RABGAP1L: variants seen among roughly 807,000 people sequenced by gnomAD.
RABGAP1L encodes rab GTPase-activating protein 1-like.
In RABGAP1L, 63 loss-of-function variants were observed where a neutral mutation model predicts 137.7. That is an observed-to-expected ratio of 0.46 (90% CI 0.37 to 0.56). RABGAP1L has a LOEUF of 0.56. Among genes scored for constraint, RABGAP1L ranks in the 20% least tolerant of loss-of-function variants. The pLI is 0.00. For synonymous variants in RABGAP1L, 431 were observed against 433.7 expected (o/e 0.99, Z 0.08); for missense variants, 1,095 against 1,244.0 (o/e 0.88, Z 1.80).
intron 11 of RABGAP1L, among the ~76,000 whole-genome samples, chr1:174,327,986 CATATATATATATATATATAT>C (rs3057021): frequency 6.0e-4 from 32 of 53,632 alleles, no homozygotes; most frequent in Non-Finnish European, 7.4e-4. Context: ...TATACACACA[CATATATATATATATATATAT>C]ATATATATAT....
At chr1:174,640,370 C>T (rs1345218190) in intron 14 of RABGAP1L, among the ~76,000 whole-genome samples, 1 of 152,062 alleles carries the variant, frequency 6.6e-6, no homozygotes. Flanking sequence ...GCTTCCACAT[C>T]CACTTTTCTT....
At chr1:174,685,499 T>C (rs573343414) in intron 15 of RABGAP1L, among the ~76,000 whole-genome samples, 2 of 152,192 alleles carry the variant, frequency 1.3e-5, no homozygotes, top group East Asian at 3.9e-4. Flanking sequence ...GTGATCCACC[T>C]GCCTCAGCCT....
chr1:174,210,566 AC>A (rs1668812033), intron 1 of RABGAP1L, among the ~76,000 whole-genome samples: 1 of 152,164 alleles, frequency 6.6e-6, no homozygotes. Flanking sequence ...ACAAAACAGA[AC>A]AAAAACAATG....
intron 19 of RABGAP1L, among the ~76,000 whole-genome samples, chr1:174,938,030 G>T (rs1665201180): frequency 1.3e-5 from 2 of 151,984 alleles, no homozygotes; most frequent in South Asian, 4.2e-4. Flanking sequence ...TTATTAATGA[G>T]TATATTTCCC....
chr1:174,780,735 A>G (rs1233131725), intron 18 of RABGAP1L, among the ~76,000 whole-genome samples: 2 of 59,032 alleles, frequency 3.4e-5, no homozygotes, highest in Non-Finnish European at 6.2e-5. Context: ...CCCACCCCAC[A>G]ACAGTCCCCG....
chr1:174,921,378 A>G (rs1054845489), intron 19 of RABGAP1L, among the ~76,000 whole-genome samples: 11 of 152,192 alleles, frequency 7.2e-5, no homozygotes, highest in African/African-American at 2.7e-4. Context: ...CTCTCTTACA[A>G]AGATATTGTG....
rs774567932 is a variant in RABGAP1L, at chr1:174,448,873, G to T, written c.1710+54728G>T. On this transcript the variant is annotated intron_variant, in intron 13 of 25. Transcript: ENST00000681986. This position sits in a 1 kb window ranked among gnomAD's most constrained non-coding sequence, Gnocchi z 4.2. Reference sequence around the variant, plus strand: ...GTCATGAGGTAGATTCTTCCAGAGAGACTGGACACAGCCCTGACCGTCGCT... The same window carrying T: ...GTCATGAGGTAGATTCTTCCAGAGATACTGGACACAGCCCTGACCGTCGCT... 12 of 1,613,804 alleles carry T rather than the reference G, an allele frequency of 7.4e-6. No individual in the cohort carries two copies. In the Admixed American group the frequency reaches 2.0e-4, roughly 27 times the overall value.
intron 13 of RABGAP1L, among the ~76,000 whole-genome samples, chr1:174,548,794 A>T (rs1175593912): frequency 6.6e-6 from 1 of 152,168 alleles, no homozygotes; most frequent in Admixed American, 6.5e-5. Context: ...TTAGCTGCAT[A>T]GGTTTAAGTA....
chr1:174,418,298 C>T (rs915270587), intron 13 of RABGAP1L, among the ~76,000 whole-genome samples: 2 of 152,160 alleles, frequency 1.3e-5, no homozygotes, highest in African/African-American at 4.8e-5. Context: ...GATATTATTT[C>T]CACAGATATT....
intron 13 of RABGAP1L, among the ~76,000 whole-genome samples, chr1:174,614,349 T>G (rs984921711): frequency 6.6e-6 from 1 of 152,228 alleles, no homozygotes; most frequent in Non-Finnish European, 1.5e-5. Context: ...AATTCTGGGT[T>G]GAAAATTCTT....
chr1:174,667,782 A>G (rs916381493), intron 14 of RABGAP1L, among the ~76,000 whole-genome samples: 4 of 152,140 alleles, frequency 2.6e-5, no homozygotes, highest in South Asian at 2.1e-4. Flanking sequence ...GCTTCCATGT[A>G]TCTTCTATAT....
chr1:174,739,263 T>A (rs1279440153), intron 17 of RABGAP1L, among the ~76,000 whole-genome samples: 1 of 152,220 alleles, frequency 6.6e-6, no homozygotes, highest in African/African-American at 2.4e-5. Context: ...AAGTTGTGGA[T>A]ATTTTGTTCC....
At chr1:174,352,092 G>A (rs1683247267) in intron 11 of RABGAP1L, among the ~76,000 whole-genome samples, 1 of 152,152 alleles carries the variant, frequency 6.6e-6, no homozygotes, top group Non-Finnish European at 1.5e-5. Flanking sequence ...ACAGGCGTGA[G>A]CCACCACGCC....
At chr1:174,526,614 G>T (rs1438794079) in intron 13 of RABGAP1L, among the ~76,000 whole-genome samples, 1 of 152,136 alleles carries the variant, frequency 6.6e-6, no homozygotes, top group East Asian at 1.9e-4. Flanking sequence ...TTTCCAGTTT[G>T]TTAGTGTATC....
intron 13 of RABGAP1L, among the ~76,000 whole-genome samples, chr1:174,492,040 G>T (rs770896659): frequency 6.6e-6 from 1 of 152,138 alleles, no homozygotes; most frequent in African/African-American, 2.4e-5. Context: ...AAACCAGGTA[G>T]TGTGAATGCT....
At chr1:174,425,377 C>G (rs1380840356) in intron 13 of RABGAP1L, among the ~76,000 whole-genome samples, 1 of 151,974 alleles carries the variant, frequency 6.6e-6, no homozygotes, top group Non-Finnish European at 1.5e-5. Flanking sequence ...AAAAATAAGA[C>G]AGATAGCCAT....
At chr1:174,197,571 C>T (rs112263592) in intron 1 of RABGAP1L, among the ~76,000 whole-genome samples, 1,557 of 152,192 alleles carry the variant, frequency 0.01, 14 homozygotes, top group Non-Finnish European at 0.015. Flanking sequence ...TAGCACAATA[C>T]GTCTGATCTC....
intron 14 of RABGAP1L, among the ~76,000 whole-genome samples, chr1:174,654,314 C>A (rs188161066): frequency 2.0e-5 from 3 of 152,252 alleles, no homozygotes; most frequent in African/African-American, 7.2e-5. Context: ...ACAGCCTCTT[C>A]TGTTGGAGAC....
chr1:174,173,161 A>T, intron 1 of RABGAP1L, among the ~76,000 whole-genome samples: 1 of 141,238 alleles, frequency 7.1e-6, no homozygotes, highest in African/African-American at 2.6e-5. Flanking sequence ...ATGGAGTCTC[A>T]CTCTTGTTGC....
Sources: gnomAD v4.1 joint callset for allele counts (sites outside exome capture counted in the v4.1 genomes callset) on GRCh38, gnomAD v4.1.1 for gene constraint, Gnocchi (gnomAD v3.1) non-coding constraint, MANE v1.5 for transcripts, NCBI Gene and HGNC (gene_info 2026-07-23, HGNC 2026-07-21) for gene names.